The following UVRAG variants were observed in gnomAD, a reference collection of about 807,000 sequenced individuals.
UVRAG encodes the protein UV radiation resistance-associated gene protein.
In UVRAG, 19 loss-of-function variants were observed where a neutral mutation model predicts 78.0. The observed-to-expected ratio is 0.24, with a 90% confidence interval of 0.17 to 0.36. The LOEUF is 0.36. Ranked by LOEUF, UVRAG falls within the 10% of genes least tolerant of loss-of-function variation. The pLI is 1.00. For synonymous variants in UVRAG, 323 were observed against 324.6 expected (o/e 1.00, Z 0.05); for missense variants, 740 against 853.8 (o/e 0.87, Z 1.66).
At position 76,141,418 on chromosome 11, in the gene UVRAG, A is replaced by C. The variant is rs1299471714; in HGVS notation, c.*5A>C. The C allele has an allele frequency of 4.3e-6, 7 of 1,610,646 alleles. No homozygotes were observed. In the African/African-American group the frequency reaches 9.3e-5, roughly 22 times the overall value. On this transcript the variant is annotated 3_prime_UTR_variant, in exon 15 of 15. Coordinates refer to ENST00000356136, the MANE Select transcript of UVRAG (RefSeq NM_003369.4). ...CGCAGGAGTTCCGATAAGTGAAGTG[A>C]GCAGGTCAACAGTAGGACTGGGGCA...
intron 6 of UVRAG, among the ~76,000 whole-genome samples, chr11:75,951,798 C>T (rs1948708796): frequency 6.6e-6 from 1 of 152,026 alleles, no homozygotes; most frequent in African/African-American, 2.4e-5. Flanking sequence ...AGCTATTTCC[C>T]GCCCCCAACA....
At position 75,851,880 on chromosome 11, in the gene UVRAG, C is replaced by T. The variant is rs1946160053; in HGVS notation, c.118-3C>T. On this transcript the variant is annotated splice_polypyrimidine_tract_variant and splice_region_variant and intron_variant, in intron 1 of 14. Transcript: ENST00000356136. ...CCTTCTCTTTTTTGTTGTTATTTTT[C>T]AGCGGCGTCTTCGACATCTTCGGAA... 2 of 1,597,000 alleles carry T rather than the reference C, an allele frequency of 1.3e-6. No homozygotes were observed. Among genetic ancestry groups the T allele is most frequent in the Non-Finnish European group, 1.7e-6 (2 of 1,175,592 alleles).
intron 12 of UVRAG, among the ~76,000 whole-genome samples, chr11:76,061,368 C>A (rs978369553): frequency 6.6e-6 from 1 of 152,122 alleles, no homozygotes; most frequent in Non-Finnish European, 1.5e-5. Context: ...TGGGTGGGGC[C>A]AGATAAGAGA....
intron 12 of UVRAG, among the ~76,000 whole-genome samples, chr11:76,050,174 A>C (rs1950836487): frequency 6.6e-6 from 1 of 152,232 alleles, no homozygotes; most frequent in South Asian, 2.1e-4. Context: ...TCTGTAATTT[A>C]GGATCTTCTC....
In UVRAG at chr11:76,005,206, G is replaced by T. The variant is rs575903384; in HGVS notation, c.911+1117G>T. On this transcript the variant is annotated intron_variant, in intron 9 of 14. Transcript: ENST00000356136. ...AAAATACAAAAAATTAGCCAGGTGT[G>T]GTGGCGGATGCCTATAGTCCCAGCT... Among the ~76,000 whole-genome samples, 28 of 152,278 alleles carry T rather than the reference G, an allele frequency of 1.8e-4. 1 individual carries two copies. The highest frequency in any genetic ancestry group is 6.2e-4 in the South Asian group (3 of 4,824).
Position 75,983,494 on chromosome 11 carries a change from A to G in UVRAG, c.807A>G (p.Gln269=). The G allele has an allele frequency of 1.2e-6, 2 of 1,608,282 alleles. No homozygotes were observed. Among genetic ancestry groups the G allele is most frequent in the Non-Finnish European group, 1.7e-6 (2 of 1,176,230 alleles). ...GREVALLHKQ[Q]IALQDKGSAF... is the part of the protein sequence containing the mutation. ...AGGTGGCATTACTGCATAAGCAACA[A>G]ATTGCATTACAAGACAAAGGTGAGT... The change falls in exon 8 of 15, where the codon CAA becomes CAG. Residue 269 remains glutamine (Q), a synonymous_variant. Transcript: ENST00000356136.
At chr11:75,885,412 T>G (rs1313732756) in intron 4 of UVRAG, among the ~76,000 whole-genome samples, 2 of 152,154 alleles carry the variant, frequency 1.3e-5, no homozygotes, top group African/African-American at 4.8e-5. Flanking sequence ...GACCTGAAGC[T>G]TTTTGAAGAT....
chr11:75,815,392 C>A lies in UVRAG; in HGVS notation c.-16C>A, dbSNP rs1282880603. On this transcript the variant is annotated 5_prime_UTR_variant, in exon 1 of 15. Transcript: ENST00000356136. ...GAAGAGTGCCCGCCCCGCCGCTTGGCGGCCCCTGGATCGAGATGAGCGCCT... is the reference window on the plus strand; with the variant it reads ...GAAGAGTGCCCGCCCCGCCGCTTGGAGGCCCCTGGATCGAGATGAGCGCCT... 8.2e-7 allele frequency: 1 copy of A among 1,216,264 alleles called. No individual in the cohort carries two copies. Among genetic ancestry groups the A allele is most frequent in the Non-Finnish European group, 1.0e-6 (1 of 968,350 alleles). 75.3% of individuals were successfully genotyped at this position (1,216,264 alleles called of 1,614,324 possible). A position where few individuals can be genotyped will look rare whatever the true frequency, so the allele number is the denominator to read the frequency against.
At chr11:76,008,455 TA>T (rs1949992184) in intron 10 of UVRAG, among the ~76,000 whole-genome samples, 2 of 152,310 alleles carry the variant, frequency 1.3e-5, no homozygotes, top group South Asian at 4.1e-4. Flanking sequence ...AAAATTTGTT[TA>T]AAAGACTAAT....
At chr11:76,120,622 G>A (rs958299202) in intron 14 of UVRAG, among the ~76,000 whole-genome samples, 2 of 152,156 alleles carry the variant, frequency 1.3e-5, no homozygotes, top group African/African-American at 4.8e-5. Flanking sequence ...GCTGTGCCAA[G>A]CATATTAACA....
chr11:76,082,862 T>G (rs145697623), intron 13 of UVRAG, among the ~76,000 whole-genome samples: 11 of 152,124 alleles, frequency 7.2e-5, no homozygotes, highest in African/African-American at 2.7e-4. Context: ...AAACCTCATC[T>G]CTACTAAAAA....
chr11:75,872,303 C>G (rs1946669021), intron 3 of UVRAG, among the ~76,000 whole-genome samples: 1 of 151,752 alleles, frequency 6.6e-6, no homozygotes, highest in African/African-American at 2.4e-5. Context: ...ACTTCAGGGG[C>G]TGCCTGGGAC....
intron 12 of UVRAG, among the ~76,000 whole-genome samples, chr11:76,051,310 C>T (rs1950862177): frequency 6.6e-6 from 1 of 151,696 alleles, no homozygotes; most frequent in Non-Finnish European, 1.5e-5. Context: ...CTGTTAAATC[C>T]AGGCAAATGC....
chr11:75,854,009 G>A (rs1398307783), intron 2 of UVRAG, among the ~76,000 whole-genome samples: 2 of 151,384 alleles, frequency 1.3e-5, no homozygotes, highest in Non-Finnish European at 2.9e-5. Context: ...CTGACCTCAG[G>A]TGATCCCACA....
At chr11:75,898,573 C>G (rs1947406244) in intron 5 of UVRAG, among the ~76,000 whole-genome samples, 1 of 152,132 alleles carries the variant, frequency 6.6e-6, no homozygotes, top group African/African-American at 2.4e-5. Flanking sequence ...GAACCTGGAT[C>G]AGAACACATC....
chr11:75,857,003 A>T (rs574500977), intron 2 of UVRAG, among the ~76,000 whole-genome samples: 1 of 152,348 alleles, frequency 6.6e-6, no homozygotes, highest in African/African-American at 2.4e-5. Context: ...TTTCACATCC[A>T]GTCTTTCAGC....
intron 5 of UVRAG, among the ~76,000 whole-genome samples, chr11:75,891,910 A>G (rs1025071242): frequency 6.6e-6 from 1 of 152,022 alleles, no homozygotes; most frequent in African/African-American, 2.4e-5. Context: ...TGTCTCAGGG[A>G]GGGGAAAGAA....
intron 1 of UVRAG, among the ~76,000 whole-genome samples, chr11:75,815,851 C>G (rs1325945932): frequency 6.6e-6 from 1 of 152,190 alleles, no homozygotes; most frequent in African/African-American, 2.4e-5. Flanking sequence ...CGCGCAGACC[C>G]TCTCCCTCGT....
At chr11:75,998,068 T>C (rs1254975484) in intron 8 of UVRAG, among the ~76,000 whole-genome samples, 1 of 152,180 alleles carries the variant, frequency 6.6e-6, no homozygotes, top group East Asian at 1.9e-4. Flanking sequence ...GTGAAATACC[T>C]ACCCCAAATA....
Sources: allele counts gnomAD v4.1 joint callset (sites outside exome capture counted in the v4.1 genomes callset), GRCh38; gene constraint gnomAD v4.1.1; transcripts MANE v1.5; gene names NCBI Gene and HGNC (gene_info 2026-07-23, HGNC 2026-07-21).